Variants in TGFBR2 observed in about 807,000 individuals in gnomAD.
TGFBR2 encodes TGF-beta receptor type-2.
In TGFBR2, 18 loss-of-function variants were observed where a neutral mutation model predicts 49.0. The ratio of observed to expected loss-of-function variants is 0.37; its 90% CI spans 0.25 to 0.54. The LOEUF (loss-of-function observed/expected upper bound fraction) is 0.54. Ranked by LOEUF, TGFBR2 falls within the 20% of genes least tolerant of loss-of-function variation. The pLI is 0.85. For synonymous variants in TGFBR2, 282 were observed against 275.9 expected, an observed-to-expected ratio of 1.02 and a Z score of -0.22; for missense variants, 525 against 722.6, an observed-to-expected ratio of 0.73 and a Z score of 3.13.
At chr3:30,608,232 C>A (rs1459333217) in intron 1 of TGFBR2, among the ~76,000 whole-genome samples, 1 of 152,114 alleles carries the variant, frequency 6.6e-6, no homozygotes, top group African/African-American at 2.4e-5. Flanking sequence ...CCACCGCGCC[C>A]GGCCAAAAGT....
chr3:30,650,093 G>A (rs960348268), intron 2 of TGFBR2, among the ~76,000 whole-genome samples, 177 bp from the exon 3 acceptor site: 3 of 152,188 alleles, frequency 2.0e-5, no homozygotes, highest in Admixed American at 2.0e-4. Context: ...GAAAAGCATA[G>A]GAGACTATAG....
At chr3:30,678,553 A>C (rs1699481268) in intron 5 of TGFBR2, among the ~76,000 whole-genome samples, 1 of 151,306 alleles carries the variant, frequency 6.6e-6, no homozygotes, top group Admixed American at 6.6e-5. Flanking sequence ...GTCTAAAAAA[A>C]AAAAAAAAAA....
At chr3:30,688,193 C>G (rs1483931124) in intron 5 of TGFBR2, among the ~76,000 whole-genome samples, 191 bp from the exon 6 acceptor site, 1 of 152,240 alleles carries the variant, frequency 6.6e-6, no homozygotes, top group African/African-American at 2.4e-5. Context: ...TTGAATACTT[C>G]TCTAGCCCTT....
intron 5 of TGFBR2, among the ~76,000 whole-genome samples, chr3:30,675,994 A>T (rs181567644): frequency 6.6e-6 from 1 of 152,182 alleles, no homozygotes; most frequent in African/African-American, 2.4e-5. Flanking sequence ...TCCTCAGTCG[A>T]TTTTTGTCTT....
intron 1 of TGFBR2, among the ~76,000 whole-genome samples, chr3:30,613,923 C>G (rs929009378): frequency 1.3e-5 from 2 of 152,158 alleles, no homozygotes; most frequent in Non-Finnish European, 2.9e-5. Context: ...AGCAACATTC[C>G]TTTGCAGAGA....
rs1416020390 is a variant in TGFBR2, at chr3:30,606,621, G to T, written c.-263G>T. 1.4e-5 allele frequency: 5 copies of T among 358,372 alleles called. No homozygotes were observed. The highest frequency in any genetic ancestry group is 2.5e-5 in the Non-Finnish European group (5 of 198,970). The allele number at this position is 358,372 out of a possible 1,614,324, so 22.2% of individuals were successfully genotyped here. On this transcript the variant is annotated 5_prime_UTR_variant, in exon 1 of 7. Transcript: ENST00000295754. ...GAGTCACTCGCGCGCACGGAGCGAC[G>T]ACACCCCCGCGCGTGCACCCGCTCG...
intron 1 of TGFBR2, among the ~76,000 whole-genome samples, chr3:30,613,525 TGAGAGAGAGAGAGA>T (rs34082216): frequency 6.7e-6 from 1 of 148,478 alleles, no homozygotes; most frequent in South Asian, 2.1e-4. Context: ...TGTCTGTATG[TGAGAGAGAGAGAGA>T]GAGAGAGAGA....
At chr3:30,678,748 TGA>T (rs1211382557) in intron 5 of TGFBR2, among the ~76,000 whole-genome samples, 4 of 152,122 alleles carry the variant, frequency 2.6e-5, no homozygotes, top group Admixed American at 2.0e-4. Context: ...CATCCTGTAC[TGA>T]GAGAGTCCCT....
chr3:30,648,345 T>C lies in TGFBR2; in HGVS notation c.264-1925T>C, dbSNP rs1028407578. On this transcript the variant is annotated intron_variant, in intron 2 of 6. Coordinates refer to ENST00000295754, the MANE Select transcript of TGFBR2 (RefSeq NM_003242.6). ...GTTCCTTCTTAGGCCTCTATAAGCG[T>C]CACAAGGAAAAGAGACCATGCCTTT... Among the ~76,000 whole-genome samples, 29 of 151,630 alleles carry C rather than the reference T, an allele frequency of 1.9e-4. No homozygotes were observed. The East Asian group carries it at 3.9e-3, about 20-fold the overall frequency.
At chr3:30,654,005 T>C (rs2125414406) in intron 3 of TGFBR2, among the ~76,000 whole-genome samples, 1 of 152,288 alleles carries the variant, frequency 6.6e-6, no homozygotes, top group South Asian at 2.1e-4. Context: ...TAATGGGATA[T>C]GTAAGGCACT....
chr3:30,680,278 T>C (rs1366403789), intron 5 of TGFBR2, among the ~76,000 whole-genome samples: 1 of 152,240 alleles, frequency 6.6e-6, no homozygotes, highest in Non-Finnish European at 1.5e-5. Flanking sequence ...AGTGATGGCC[T>C]CACTTCTCTG....
At chr3:30,639,501 A>G (rs1274896420) in intron 1 of TGFBR2, among the ~76,000 whole-genome samples, 1 of 152,224 alleles carries the variant, frequency 6.6e-6, no homozygotes, top group Non-Finnish European at 1.5e-5. Flanking sequence ...TCTGCCCTAT[A>G]AATTTCAGAC....
rs727504406 is a variant in TGFBR2 at position 30,671,647 on chromosome 3, C to T, written c.464C>T (p.Thr155Ile). 6.4e-5 allele frequency: 104 copies of T among 1,614,094 alleles called. 1 individual carries two copies. The South Asian group carries it at 1.1e-3, about 17-fold the overall frequency. The change falls in exon 4 of 7, where the codon ACC becomes ATC. Residue 155 changes from threonine to isoleucine, a missense_variant. Thr to Ile is a moderately conservative substitution (Grantham distance 89, BLOSUM62 -1). Around this residue, in one of 3 missense-constraint regions of TGFBR2, gnomAD observed 376 missense variants for 478.2 expected, o/e 0.79. Transcript: ENST00000295754. ...TTTGTTTCCCCATCAGAATATAACA[C>T]CAGCAATCCTGACTTGTTGCTAGTC... ...DNIIFSEEYN[T>I]SNPDLLLVIF...
At chr3:30,634,312 C>T (rs1043041534) in intron 1 of TGFBR2, among the ~76,000 whole-genome samples, 1 of 152,136 alleles carries the variant, frequency 6.6e-6, no homozygotes, top group Non-Finnish European at 1.5e-5. Context: ...ATTAAGCTGC[C>T]TCAGTACTTT....
chr3:30,659,420 A>G (rs944530516), intron 3 of TGFBR2, among the ~76,000 whole-genome samples: 8 of 152,088 alleles, frequency 5.3e-5, no homozygotes, highest in Non-Finnish European at 1.2e-4. Flanking sequence ...ATATGGCCCT[A>G]TGTCTGGCCA....
chr3:30,664,693 C>T (rs755481673), intron 3 of TGFBR2, among the ~76,000 whole-genome samples: 2 of 152,240 alleles, frequency 1.3e-5, no homozygotes, highest in Non-Finnish European at 2.9e-5. Flanking sequence ...CGCACACACA[C>T]GTTGCTCTCA....
chr3:30,637,041 GT>G (rs1219041648), intron 1 of TGFBR2, among the ~76,000 whole-genome samples: 4 of 150,130 alleles, frequency 2.7e-5, no homozygotes, highest in Non-Finnish European at 4.4e-5. Context: ...TCCAGCCTGG[GT>G]GACAGAGCAA....
chr3:30,639,740 T>A (rs1406454982), intron 1 of TGFBR2, among the ~76,000 whole-genome samples: 1 of 152,190 alleles, frequency 6.6e-6, no homozygotes, highest in Non-Finnish European at 1.5e-5. Flanking sequence ...CAAATAAATT[T>A]CTGAGTTTCC....
chr3:30,628,534 T>G (rs999878606), intron 1 of TGFBR2, among the ~76,000 whole-genome samples: 2 of 143,084 alleles, frequency 1.4e-5, no homozygotes, highest in Non-Finnish European at 3.1e-5. Context: ...GTGGGTTTTT[T>G]TTTTTTTTTT....
Sources: gnomAD v4.1 joint callset for allele counts (sites outside exome capture counted in the v4.1 genomes callset) on GRCh38, gnomAD v4.1.1 for gene constraint, gnomAD v4.1.1 regional missense constraint, MANE v1.5 for transcripts, NCBI Gene and HGNC (gene_info 2026-07-23, HGNC 2026-07-21) for gene names.